The following SPTBN1 variants were observed in gnomAD, a reference collection of about 807,000 sequenced individuals.
The protein encoded by SPTBN1 is spectrin beta, non-erythrocytic 1, also known as spectrin beta chain, non-erythrocytic 1.
SPTBN1 carries 32 observed loss-of-function variants against 266.4 expected under a neutral mutation model. The observed-to-expected ratio is 0.12, with a 90% CI of 0.09 to 0.16. The LOEUF is 0.16. Among genes scored for constraint, SPTBN1 ranks in the 10% least tolerant of loss-of-function variants. SPTBN1 has a pLI of 1.00. For missense variants in SPTBN1, 2,296 were observed against 3,067.1 expected (o/e 0.75, Z 5.94); for synonymous variants, 1,336 against 1,162.2 (o/e 1.15, Z -3.04).
chr2:54,612,801 A>T (rs1677308561), intron 4 of SPTBN1, among the ~76,000 whole-genome samples: 2 of 152,154 alleles, frequency 1.3e-5, no homozygotes, highest in South Asian at 4.1e-4. Flanking sequence ...TGTGGGCTCC[A>T]TTTTCACCTT....
At position 54,666,026 on chromosome 2, in the gene SPTBN1, G is replaced by T; in HGVS notation, c.6771G>T (p.Leu2257Phe). Residue 2257 changes from leucine to phenylalanine, a missense_variant, in exon 34 of 36, where the codon TTG becomes TTT. Physicochemically the swap from Leu to Phe is conservative, Grantham distance 22. Transcript: ENST00000356805. ...IPYHSEVPVS[L>F]KEAVCEVALD... The stretch of plus-strand genomic sequence containing the variant: ...ACCACAGCGAGGTCCCTGTGAGTTT[G>T]AAAGAAGCTGTCTGCGAAGTGGCCC... 6.2e-7 allele frequency: 1 copy of T among 1,614,114 alleles called. No individual in the cohort carries two copies.
chr2:54,546,088 T>C (rs1672221370), intron 2 of SPTBN1, among the ~76,000 whole-genome samples: 2 of 152,182 alleles, frequency 1.3e-5, no homozygotes, highest in African/African-American at 2.4e-5. Flanking sequence ...TAGTGTAACT[T>C]TGATTATAAT....
chr2:54,561,977 A>G (rs918548097), intron 2 of SPTBN1, among the ~76,000 whole-genome samples: 5 of 151,728 alleles, frequency 3.3e-5, no homozygotes, highest in Non-Finnish European at 4.4e-5. Context: ...TGGCTGTAGC[A>G]TTCACCACCA....
At chr2:54,573,919 C>T (rs1239597208) in intron 2 of SPTBN1, among the ~76,000 whole-genome samples, 1 of 132,272 alleles carries the variant, frequency 7.6e-6, no homozygotes, top group Non-Finnish European at 1.6e-5. Context: ...GCTTTGTACA[C>T]CTGCAAAACA....
intron 11 of SPTBN1, 59 bp downstream of exon 11, chr2:54,625,021 A>T (rs1381108782): frequency 6.6e-7 from 1 of 1,514,624 alleles, no homozygotes; most frequent in Non-Finnish European, 8.8e-7. Context: ...AACACAGACC[A>T]TCCCCAGGGG....
intron 1 of SPTBN1, among the ~76,000 whole-genome samples, chr2:54,524,743 C>T (rs891563151): frequency 3.3e-5 from 5 of 152,218 alleles, no homozygotes; most frequent in East Asian, 1.9e-4. Flanking sequence ...ACCTTGTCTC[C>T]GAGTCTCTCC....
intron 1 of SPTBN1, among the ~76,000 whole-genome samples, chr2:54,485,531 C>T (rs1573245636): frequency 6.6e-6 from 1 of 151,934 alleles, no homozygotes; most frequent in African/African-American, 2.4e-5. Context: ...GGCGTGATCT[C>T]GGCTGGCTAC....
At chr2:54,636,380 A>ACATGTAT (rs1440157231) in intron 17 of SPTBN1, among the ~76,000 whole-genome samples, 1 of 152,210 alleles carries the variant, frequency 6.6e-6, no homozygotes, top group Non-Finnish European at 1.5e-5. Flanking sequence ...ATGATGTTAT[A>ACATGTAT]ACATGTAAAT....
intron 1 of SPTBN1, among the ~76,000 whole-genome samples, chr2:54,500,222 A>G (rs1048920476): frequency 1.3e-5 from 2 of 152,184 alleles, no homozygotes; most frequent in Non-Finnish European, 2.9e-5. Flanking sequence ...TTATTGTAAG[A>G]CTCATGTTTC....
chr2:54,517,676 C>T (rs1487056909), intron 1 of SPTBN1, among the ~76,000 whole-genome samples: 1 of 150,020 alleles, frequency 6.7e-6, no homozygotes, highest in Non-Finnish European at 1.5e-5. Flanking sequence ...GACAGAGTCT[C>T]GCTCTGCCAC....
Position 54,558,153 on chromosome 2 carries a change from G to T in SPTBN1, c.148+31587G>T. On this transcript the variant is annotated intron_variant, in intron 2 of 35. Coordinates refer to ENST00000356805, the MANE Select transcript of SPTBN1 (RefSeq NM_003128.3). This position sits in a 1 kb window ranked among gnomAD's most constrained non-coding sequence, Gnocchi z 4.6. ...CAGCTCTGTTTGGGAAGGCACTACCGCGGCGAGTCCAGGGCCCGGCCGGGG... is the reference window on the plus strand; with the variant it reads ...CAGCTCTGTTTGGGAAGGCACTACCTCGGCGAGTCCAGGGCCCGGCCGGGG... The T allele has an allele frequency of 1.0e-6, 1 of 985,378 alleles. No homozygotes were observed. Among genetic ancestry groups the T allele is most frequent in the Non-Finnish European group, 1.2e-6 (1 of 829,898 alleles). 61.0% of individuals were successfully genotyped at this position (985,378 alleles called of 1,614,324 possible).
intron 32 of SPTBN1, chr2:54,661,052 C>G: frequency 1.0e-6 from 1 of 985,438 alleles, no homozygotes; most frequent in Non-Finnish European, 1.2e-6. Flanking sequence ...CGCATGCCCC[C>G]TGGCTTCAGA....
intron 3 of SPTBN1, among the ~76,000 whole-genome samples, chr2:54,608,767 C>A (rs1573520500): frequency 1.3e-5 from 2 of 152,102 alleles, no homozygotes; most frequent in African/African-American, 4.8e-5. Context: ...GCACCAACCC[C>A]ATGCCGCTGA....
At chr2:54,665,122 G>C (rs907815256) in intron 33 of SPTBN1, among the ~76,000 whole-genome samples, 1 of 152,168 alleles carries the variant, frequency 6.6e-6, no homozygotes, top group Non-Finnish European at 1.5e-5. Context: ...AACAGATGGG[G>C]AACAGAGGCT....
chr2:54,618,205 A>G lies in SPTBN1; in HGVS notation c.763+12A>G, dbSNP rs772726154. 6.2e-6 allele frequency: 10 copies of G among 1,607,568 alleles called. No homozygotes were observed. Among genetic ancestry groups the G allele is most frequent in the South Asian group, 1.1e-5 (1 of 90,946 alleles). ...GTTGGACCCCGAAGGTAGGGACTCAAGGGATTACAGGTGGGATTTTTAGCA... is the reference window on the plus strand; with the variant it reads ...GTTGGACCCCGAAGGTAGGGACTCAGGGGATTACAGGTGGGATTTTTAGCA... On this transcript the variant is annotated intron_variant, in intron 7 of 35. Transcript: ENST00000356805.
intron 1 of SPTBN1, among the ~76,000 whole-genome samples, chr2:54,517,946 G>GTT (rs35846594): frequency 6.9e-6 from 1 of 145,360 alleles, no homozygotes; most frequent in Non-Finnish European, 1.5e-5. Context: ...GCCTGGTATT[G>GTT]TTTTTTTTTT....
chr2:54,521,799 C>T (rs1384561242), intron 1 of SPTBN1, among the ~76,000 whole-genome samples: 1 of 152,224 alleles, frequency 6.6e-6, no homozygotes, highest in Non-Finnish European at 1.5e-5. Context: ...GTTGAGATTA[C>T]AGGTGTGAGC....
intron 3 of SPTBN1, among the ~76,000 whole-genome samples, chr2:54,599,915 T>G (rs1308349878): frequency 6.6e-6 from 1 of 152,228 alleles, no homozygotes; most frequent in Non-Finnish European, 1.5e-5. Context: ...AAGCAGTCAC[T>G]GTGACTGATC....
intron 32 of SPTBN1, chr2:54,661,744 A>ATG (rs1327979357): frequency 1.0e-5 from 10 of 985,368 alleles, no homozygotes; most frequent in East Asian, 1.1e-4. Context: ...TCATATATAT[A>ATG]TGTGTGTGTG....
Sources: gnomAD v4.1 joint callset for allele counts (sites outside exome capture counted in the v4.1 genomes callset) on GRCh38, gnomAD v4.1.1 for gene constraint, Gnocchi (gnomAD v3.1) non-coding constraint, MANE v1.5 for transcripts, NCBI Gene and HGNC (gene_info 2026-07-23, HGNC 2026-07-21) for gene names.